Variants in COL5A2 observed in about 807,000 individuals in gnomAD.
COL5A2 encodes collagen alpha-2(V) chain.
A neutral mutation model predicts 208.2 loss-of-function variants in COL5A2; 23 were observed. The ratio of observed to expected loss-of-function variants is 0.11; its 90% CI spans 0.08 to 0.16. The LOEUF is 0.16. COL5A2 is among the 10% of genes least tolerant of loss of function. The probability of loss-of-function intolerance (pLI) is 1.00; values close to 1 mark genes in which losing one functional copy is unlikely to be tolerated. For missense variants in COL5A2, 1,590 were observed against 1,956.4 expected (o/e 0.81, Z 3.53); for synonymous variants, 625 against 628.5 (o/e 0.99, Z 0.08).
intron 3 of COL5A2, among the ~76,000 whole-genome samples, chr2:189,103,077 A>AT (rs1246049294): frequency 6.6e-6 from 1 of 151,846 alleles, no homozygotes; most frequent in African/African-American, 2.4e-5. Flanking sequence ...CATTGTTAGG[A>AT]TTTTTTGTTG....
chr2:189,293,949 A>G, the COL5A2 span, among the ~76,000 whole-genome samples: 987 of 152,198 alleles, frequency 6.5e-3, 11 homozygotes, highest in African/African-American at 0.022. Flanking sequence ...TTAGCCGGGC[A>G]TGGTGGCGGG....
chr2:189,092,230 A>G, intron 7 of COL5A2, 80 bp downstream of exon 7: 1 of 922,542 alleles, frequency 1.1e-6, no homozygotes. Flanking sequence ...ATCTGAACAG[A>G]CACAATTTAA....
intron 1 of COL5A2, among the ~76,000 whole-genome samples, chr2:189,185,954 C>T (rs1199303601): frequency 6.6e-6 from 1 of 151,746 alleles, no homozygotes; most frequent in Non-Finnish European, 1.5e-5. Flanking sequence ...AGCAGGAGCG[C>T]ATAGAAATGA....
At chr2:189,049,315 A>C (rs1445525328) in intron 44 of COL5A2, 32 bp downstream of exon 44, 2 of 1,446,002 alleles carry the variant, frequency 1.4e-6, no homozygotes, top group South Asian at 2.4e-5. Flanking sequence ...ACCAGATAAC[A>C]AGAGAAGAGT....
Position 189,045,842 on chromosome 2 carries a change from G to A in COL5A2, c.3267C>T (p.Gly1089=), listed in dbSNP as rs1348656530. 6 of 1,614,134 alleles carry A rather than the reference G, an allele frequency of 3.7e-6. No individual in the cohort carries two copies. In the South Asian group the frequency reaches 5.5e-5, roughly 15 times the overall value. Residue 1089 remains glycine, a synonymous_variant, in exon 46 of 54, where the codon GGC becomes GGT. Coordinates refer to ENST00000374866, the MANE Select transcript of COL5A2 (RefSeq NM_000393.5). The stretch of plus-strand genomic sequence containing the variant: ...CTGCATCTCCTGGAGCACCCACAGG[G>A]CCAGGAGTTCCAGGGGCACCCTGAG... ...PGSQGAPGTP[G]PVGAPGDAGQ... is the part of the protein sequence containing the mutation.
chr2:189,389,919 C>T, the COL5A2 span, among the ~76,000 whole-genome samples: 4 of 152,132 alleles, frequency 2.6e-5, no homozygotes, highest in Non-Finnish European at 5.9e-5. Context: ...CTAGAAGCTA[C>T]ATTCCACCAA....
Position 189,036,777 on chromosome 2 carries a change from C to T in COL5A2, c.3952G>A (p.Gly1318Arg). 1 of 1,613,144 alleles carries T rather than the reference C, an allele frequency of 6.2e-7. No homozygotes were observed. Among genetic ancestry groups the T allele is most frequent in the Non-Finnish European group, 8.5e-7 (1 of 1,179,404 alleles). The part of the protein sequence containing the change: ...SGEYWIDPNQ[G>R]SVEDAIKVYC... Reference sequence around the variant, plus strand: ...ACTTTGATTGCATCTTCAACAGATCCTTGGTTAGGATCAATCCAGTATTCA... The same window carrying T: ...ACTTTGATTGCATCTTCAACAGATCTTTGGTTAGGATCAATCCAGTATTCA... Residue 1318 changes from glycine to arginine, a missense_variant, in exon 52 of 54, where the codon GGA (glycine) becomes AGA (arginine). By Grantham distance (125) the Gly-to-Arg change is moderately radical. Transcript: ENST00000374866.
At chr2:189,248,755 C>G in the COL5A2 span, among the ~76,000 whole-genome samples, 1 of 152,012 alleles carries the variant, frequency 6.6e-6, no homozygotes, top group Admixed American at 6.6e-5. Flanking sequence ...AATTCATGAC[C>G]CAATATTCTT....
At chr2:189,037,269 A>C (rs1212611543) in intron 51 of COL5A2, among the ~76,000 whole-genome samples, 1 of 152,226 alleles carries the variant, frequency 6.6e-6, no homozygotes. Flanking sequence ...TCATTTCATT[A>C]GATCTTTTTA....
At chr2:189,146,362 G>C (rs543286538) in intron 1 of COL5A2, among the ~76,000 whole-genome samples, 6 of 152,172 alleles carry the variant, frequency 3.9e-5, no homozygotes, top group Admixed American at 1.3e-4. Flanking sequence ...GAAAACATTG[G>C]ATAAAGTATA....
chr2:189,050,487 C>A, intron 43 of COL5A2, 82 bp downstream of exon 43: 2 of 1,183,648 alleles, frequency 1.7e-6, no homozygotes, highest in Non-Finnish European at 2.5e-6. Flanking sequence ...ATCTATTCAT[C>A]AAGCAAAAAA....
At chr2:189,050,440 G>A in intron 43 of COL5A2, 129 bp downstream of exon 43, 1 of 756,306 alleles carries the variant, frequency 1.3e-6, no homozygotes. Context: ...AGATTTTTAA[G>A]AGACTCAAAA....
the COL5A2 span, among the ~76,000 whole-genome samples, chr2:189,419,000 TTACC>T: frequency 1.3e-5 from 2 of 152,132 alleles, no homozygotes; most frequent in Non-Finnish European, 2.9e-5. Flanking sequence ...GGCCAAATAG[TTACC>T]ACCAAAACCC....
chr2:189,245,482 ATTTTT>A, the COL5A2 span, among the ~76,000 whole-genome samples: 3 of 124,124 alleles, frequency 2.4e-5, no homozygotes, highest in Admixed American at 1.6e-4. Context: ...TATACTCAAA[ATTTTT>A]TTTTTTTTTT....
chr2:189,104,115 T>A lies in COL5A2; in HGVS notation c.336+149A>T, dbSNP rs1245241068. On this transcript the variant is annotated intron_variant, in intron 3 of 53. Transcript: ENST00000374866. The stretch of plus-strand genomic sequence containing the variant: ...ATCTGTCCTTTGGAAACACAGTAGC[T>A]GAACTGTGCTTATATACTTGTCACA... The A allele has an allele frequency of 1.2e-5, 8 of 653,704 alleles. No individual in the cohort carries two copies. The East Asian group carries it at 2.1e-4, about 17-fold the overall frequency. 40.5% of individuals were successfully genotyped at this position (653,704 alleles called of 1,614,324 possible).
At chr2:189,380,831 T>C in the COL5A2 span, among the ~76,000 whole-genome samples, 2 of 151,958 alleles carry the variant, frequency 1.3e-5, no homozygotes, top group Admixed American at 6.6e-5. Flanking sequence ...TTTTACAACA[T>C]TTTAAAATTT....
the COL5A2 span, among the ~76,000 whole-genome samples, chr2:189,317,743 T>C: frequency 7.2e-5 from 11 of 152,282 alleles, no homozygotes; most frequent in Admixed American, 1.3e-4. Context: ...GTGGCTTTAA[T>C]ATACTAAGAA....
chr2:189,334,797 A>G, the COL5A2 span, among the ~76,000 whole-genome samples: 1 of 152,088 alleles, frequency 6.6e-6, no homozygotes, highest in East Asian at 1.9e-4. Context: ...AACAAAAAAA[A>G]TGTTTAAGGG....
chr2:189,239,914 G>A, the COL5A2 span, among the ~76,000 whole-genome samples: 1 of 152,202 alleles, frequency 6.6e-6, no homozygotes, highest in African/African-American at 2.4e-5. Flanking sequence ...CTCATACTTT[G>A]ATTTTAGCCA....
Sources: allele counts gnomAD v4.1 joint callset (sites outside exome capture counted in the v4.1 genomes callset), GRCh38; gene constraint gnomAD v4.1.1; transcripts MANE v1.5; gene names NCBI Gene and HGNC (gene_info 2026-07-23, HGNC 2026-07-21).